The following COX7B2 variants were observed in gnomAD, a reference collection of about 807,000 sequenced individuals.
The protein encoded by COX7B2 is cytochrome c oxidase subunit 7B2, mitochondrial.
For missense variants in COX7B2, 109 were observed against 95.9 expected (o/e 1.14, Z -0.57); for synonymous variants, 37 against 32.1 (o/e 1.15, Z -0.51).
At chr4:46,834,712 A>G (rs754948391) in intron 2 of COX7B2, among the ~76,000 whole-genome samples, 32 of 152,162 alleles carry the variant, frequency 2.1e-4, no homozygotes, top group Non-Finnish European at 3.2e-4. Flanking sequence ...AAATATTTAA[A>G]TATAGAATAT....
intron 2 of COX7B2, among the ~76,000 whole-genome samples, chr4:46,800,792 G>C (rs1718616257): frequency 6.6e-6 from 1 of 151,840 alleles, no homozygotes; most frequent in East Asian, 1.9e-4. Flanking sequence ...AAAAGAAACA[G>C]AATAAACAGA....
intron 2 of COX7B2, among the ~76,000 whole-genome samples, chr4:46,821,658 T>C (rs1402213151): frequency 6.6e-6 from 1 of 152,208 alleles, no homozygotes; most frequent in East Asian, 1.9e-4. Flanking sequence ...ATAAAGAGTG[T>C]AAACAGTATA....
chr4:46,750,556 T>C (rs1715308081), intron 2 of COX7B2, among the ~76,000 whole-genome samples: 2 of 152,278 alleles, frequency 1.3e-5, no homozygotes, highest in African/African-American at 4.8e-5. Context: ...AAAGGTCAAT[T>C]GTTTTAAGTC....
chr4:46,798,283 T>G (rs1041679531), intron 2 of COX7B2, among the ~76,000 whole-genome samples: 1 of 152,134 alleles, frequency 6.6e-6, no homozygotes, highest in African/African-American at 2.4e-5. Flanking sequence ...AGAAGCACAA[T>G]GCCTGGTAGG....
intron 2 of COX7B2, among the ~76,000 whole-genome samples, chr4:46,803,374 A>G (rs1718769133): frequency 6.6e-6 from 1 of 152,190 alleles, no homozygotes; most frequent in Admixed American, 6.5e-5. Context: ...AATTTGGGAT[A>G]TAATTATACT....
intron 1 of COX7B2, among the ~76,000 whole-genome samples, chr4:46,881,339 G>A (rs1187690512): frequency 2.0e-5 from 3 of 152,190 alleles, no homozygotes; most frequent in Non-Finnish European, 4.4e-5. Context: ...CTCAAACCAG[G>A]GAGGGAGCTT....
At chr4:46,838,594 T>C (rs772423749) in intron 2 of COX7B2, among the ~76,000 whole-genome samples, 3 of 152,082 alleles carry the variant, frequency 2.0e-5, no homozygotes, top group Non-Finnish European at 4.4e-5. Context: ...GTATGGAGTA[T>C]TTTGTGATAG....
intron 2 of COX7B2, among the ~76,000 whole-genome samples, chr4:46,822,401 G>A (rs940148865): frequency 1.3e-5 from 2 of 151,874 alleles, no homozygotes; most frequent in Non-Finnish European, 1.5e-5. Flanking sequence ...ATAATATAGA[G>A]AGGATCCAGG....
intron 1 of COX7B2, among the ~76,000 whole-genome samples, chr4:46,900,027 A>G (rs984525447): frequency 1.3e-5 from 2 of 152,164 alleles, no homozygotes; most frequent in African/African-American, 4.8e-5. Flanking sequence ...TCATAAAAAC[A>G]TTTTCACATA....
chr4:46,764,788 C>T (rs546639934), intron 2 of COX7B2, among the ~76,000 whole-genome samples: 21 of 150,676 alleles, frequency 1.4e-4, no homozygotes, highest in African/African-American at 5.1e-4. Flanking sequence ...TCCATAGTAA[C>T]CACAAAGTAA....
chr4:46,860,394 CTG>C (rs1284813538), intron 1 of COX7B2, among the ~76,000 whole-genome samples: 1 of 152,156 alleles, frequency 6.6e-6, no homozygotes, highest in African/African-American at 2.4e-5. Context: ...CTGGGATCAA[CTG>C]TGGTCAGCAA....
At chr4:46,891,800 T>C (rs1376425455) in intron 1 of COX7B2, among the ~76,000 whole-genome samples, 1 of 152,178 alleles carries the variant, frequency 6.6e-6, no homozygotes, top group Non-Finnish European at 1.5e-5. Context: ...GGGCAATACA[T>C]CCTGCAAGCC....
chr4:46,886,014 G>A (rs142987011), intron 1 of COX7B2, among the ~76,000 whole-genome samples: 382 of 152,196 alleles, frequency 2.5e-3, no homozygotes, highest in African/African-American at 8.5e-3. Context: ...CAATGATAAC[G>A]TAGATTTTCA....
chr4:46,800,042 T>C (rs1342524924), intron 2 of COX7B2, among the ~76,000 whole-genome samples: 2 of 152,088 alleles, frequency 1.3e-5, no homozygotes, highest in Non-Finnish European at 2.9e-5. Flanking sequence ...ATTAGTCTCT[T>C]AAGAGTTTAG....
chr4:46,773,583 A>C (rs1716997101), intron 2 of COX7B2, among the ~76,000 whole-genome samples: 1 of 152,176 alleles, frequency 6.6e-6, no homozygotes, highest in Non-Finnish European at 1.5e-5. Context: ...ATGATAAAAA[A>C]TAAGAACTGA....
intron 2 of COX7B2, among the ~76,000 whole-genome samples, chr4:46,752,927 C>A (rs1247207434): frequency 6.6e-6 from 1 of 152,132 alleles, no homozygotes; most frequent in Non-Finnish European, 1.5e-5. Context: ...TGATGCTGCC[C>A]TCATAAAATG....
At chr4:46,830,379 T>C (rs184402040) in intron 2 of COX7B2, among the ~76,000 whole-genome samples, 159 of 137,224 alleles carry the variant, frequency 1.2e-3, no homozygotes, top group African/African-American at 4.1e-3. Flanking sequence ...AAAGAAACAA[T>C]GTATGTAGGA....
chr4:46,864,133 A>C (rs887813703), intron 1 of COX7B2, among the ~76,000 whole-genome samples: 1 of 152,188 alleles, frequency 6.6e-6, no homozygotes, highest in African/African-American at 2.4e-5. Flanking sequence ...AGTCTTACTG[A>C]AAATTTGGAA....
intron 2 of COX7B2, among the ~76,000 whole-genome samples, chr4:46,822,963 C>T (rs1473631005): frequency 6.6e-6 from 1 of 152,102 alleles, no homozygotes. Flanking sequence ...TCAATATAAA[C>T]AATTACTCTA....
Sources: allele counts gnomAD v4.1 joint callset (sites outside exome capture counted in the v4.1 genomes callset), GRCh38; gene constraint gnomAD v4.1.1; transcripts MANE v1.5; gene names NCBI Gene and HGNC (gene_info 2026-07-23, HGNC 2026-07-21).